EIF4G3: variants seen among roughly 807,000 people sequenced by gnomAD.
EIF4G3 encodes the protein eukaryotic translation initiation factor 4 gamma 3.
A neutral mutation model predicts 186.4 loss-of-function variants in EIF4G3; 34 were observed. The observed-to-expected ratio is 0.18, with a 90% CI of 0.14 to 0.24. The LOEUF (loss-of-function observed/expected upper bound fraction) is 0.24, where lower values mean the gene tolerates loss of function less well. Among genes scored for constraint, EIF4G3 ranks in the 10% least tolerant of loss-of-function variants. The probability of loss-of-function intolerance (pLI) is 1.00; values close to 1 mark genes in which losing one functional copy is unlikely to be tolerated. For synonymous variants in EIF4G3, 673 were observed against 679.5 expected (o/e 0.99, Z 0.15); for missense variants, 1,536 against 1,948.5 (o/e 0.79, Z 3.99).
intron 14 of EIF4G3, among the ~76,000 whole-genome samples, chr1:20,916,538 G>A (rs1327986060): frequency 6.6e-6 from 1 of 151,956 alleles, no homozygotes; most frequent in Non-Finnish European, 1.5e-5. Context: ...TGTCAATTCT[G>A]TCTACAGTGT....
intron 2 of EIF4G3, among the ~76,000 whole-genome samples, chr1:21,156,401 T>G (rs2097662638): frequency 1.3e-5 from 2 of 152,200 alleles, no homozygotes; most frequent in Admixed American, 6.5e-5. Context: ...GCTTATATTA[T>G]CACAGATTTG....
chr1:20,814,482 CAATA>C (rs540968401), intron 34 of EIF4G3, among the ~76,000 whole-genome samples: 46 of 152,136 alleles, frequency 3.0e-4, no homozygotes, highest in Admixed American at 4.6e-4. Context: ...TTTTATTCCT[CAATA>C]AATAATCCAT....
intron 2 of EIF4G3, among the ~76,000 whole-genome samples, chr1:21,105,288 T>C (rs930836776): frequency 6.6e-6 from 1 of 152,002 alleles, no homozygotes. Flanking sequence ...AAATTAGCCA[T>C]AGGTGGTGGC....
At chr1:21,174,091 C>G (rs1435092188) in intron 2 of EIF4G3, among the ~76,000 whole-genome samples, 1 of 152,120 alleles carries the variant, frequency 6.6e-6, no homozygotes, top group Non-Finnish European at 1.5e-5. Context: ...CTGTGAAACA[C>G]ATCAAGAGGA....
At chr1:21,039,147 C>T (rs1175801469) in intron 4 of EIF4G3, among the ~76,000 whole-genome samples, 3 of 152,300 alleles carry the variant, frequency 2.0e-5, no homozygotes, top group South Asian at 2.1e-4. Context: ...CCTTCACATA[C>T]GTGGTCAAAT....
intron 4 of EIF4G3, among the ~76,000 whole-genome samples, chr1:21,012,877 A>G (rs1384987708): frequency 6.6e-6 from 1 of 152,164 alleles, no homozygotes; most frequent in Non-Finnish European, 1.5e-5. Flanking sequence ...ATTCCACAAG[A>G]CAGGTGAGAA....
In EIF4G3 at chr1:20,971,780, C is replaced by T. The variant is rs976622640; in HGVS notation, c.591+1222G>A. The stretch of plus-strand genomic sequence containing the variant: ...TCCCGAGTAGCTGGAATTATAGGCA[C>T]GAGCCTCCACACCCAGCTAATTTTT... On this transcript the variant is annotated intron_variant, in intron 11 of 36. Transcript: ENST00000602326. Among the ~76,000 whole-genome samples, 22 of 152,214 alleles carry T rather than the reference C, an allele frequency of 1.4e-4. No homozygotes were observed. In the East Asian group the frequency reaches 3.1e-3, roughly 21 times the overall value.
At chr1:21,026,814 G>C (rs2092165406) in intron 4 of EIF4G3, among the ~76,000 whole-genome samples, 1 of 151,676 alleles carries the variant, frequency 6.6e-6, no homozygotes, top group African/African-American at 2.4e-5. Context: ...GCCAGGAATG[G>C]CAATCCCAGA....
chr1:21,077,580 A>G (rs1322463874), intron 3 of EIF4G3, among the ~76,000 whole-genome samples: 1 of 150,088 alleles, frequency 6.7e-6, no homozygotes, highest in Non-Finnish European at 1.5e-5. Flanking sequence ...ATTATTAAAA[A>G]TACAAAAAAA....
intron 4 of EIF4G3, among the ~76,000 whole-genome samples, chr1:21,040,244 A>G (rs1571508838): frequency 1.3e-5 from 2 of 152,204 alleles, no homozygotes; most frequent in Admixed American, 1.3e-4. Context: ...AATCATGCAC[A>G]TAATGAAGTC....
Position 20,886,227 on chromosome 1 carries a change from C to T in EIF4G3, c.2398G>A (p.Asp800Asn), listed in dbSNP as rs2084092530. The change falls in exon 19 of 37, where the codon GAT becomes AAT. Residue 800 changes from aspartate to asparagine, a missense_variant. This residue lies in a region of EIF4G3 where 139 missense variants were observed against 192.8 expected (regional missense o/e 0.72). Coordinates refer to ENST00000602326, the MANE Select transcript of EIF4G3 (RefSeq NM_001391906.1). The part of the protein sequence containing the change: ...KPSQKRDSQA[D>N]DPENIKTQEL... ...TGGGTTTTAATGTTTTCGGGATCAT[C>T]GGCTTGGCTGTCTCGTTTTTGGCTT... The T allele has an allele frequency of 1.2e-6, 2 of 1,613,598 alleles. No homozygotes were observed. The highest frequency in any genetic ancestry group is 2.2e-5 in the East Asian group (1 of 44,860).
At chr1:20,982,502 G>A in intron 7 of EIF4G3, 94 bp from the exon 8 acceptor site, 1 of 822,206 alleles carries the variant, frequency 1.2e-6, no homozygotes, top group Non-Finnish European at 1.8e-6. Flanking sequence ...ATAGCATGCA[G>A]CTCAACAAAA....
chr1:20,927,543 C>T (rs1040503458), intron 14 of EIF4G3, among the ~76,000 whole-genome samples: 1 of 152,032 alleles, frequency 6.6e-6, no homozygotes, highest in Non-Finnish European at 1.5e-5. Flanking sequence ...AAGATAATGA[C>T]AGTCTGTGAA....
At position 21,176,882 on chromosome 1, in the gene EIF4G3, G is replaced by C. The variant is rs1260320258; in HGVS notation, c.-616C>G. 1 of 694,308 alleles carries C rather than the reference G, an allele frequency of 1.4e-6. No homozygotes were observed. The highest frequency in any genetic ancestry group is 1.8e-5 in the African/African-American group (1 of 56,438). 43.0% of individuals were successfully genotyped at this position (694,308 alleles called of 1,614,324 possible). On this transcript the variant is annotated 5_prime_UTR_variant, in exon 1 of 37. Transcript: ENST00000602326. ...CATGGCGCTGTGGCCGCCTCCAGCA[G>C]TCCGGCAGGACGGCTGCTCGGAAAA... is the stretch of plus-strand genomic sequence containing the variant.
chr1:20,839,736 G>T (rs1571406346), intron 30 of EIF4G3, among the ~76,000 whole-genome samples: 1 of 151,708 alleles, frequency 6.6e-6, no homozygotes, highest in Non-Finnish European at 1.5e-5. Context: ...TGATCCACCC[G>T]CCTCAGCCTC....
At chr1:20,988,227 T>A in intron 7 of EIF4G3, 1 of 169,552 alleles carries the variant, frequency 5.9e-6, no homozygotes. Flanking sequence ...CAAGTACTTA[T>A]GGAGAAACTG....
At chr1:20,917,093 T>C (rs200346665) in intron 14 of EIF4G3, among the ~76,000 whole-genome samples, 1 of 57,876 alleles carries the variant, frequency 1.7e-5, no homozygotes, top group African/African-American at 5.9e-5. Context: ...ACAGCCAAAA[T>C]GTCTATCAAT....
intron 29 of EIF4G3, among the ~76,000 whole-genome samples, chr1:20,841,566 A>C (rs185241014): frequency 3.3e-5 from 5 of 152,316 alleles, no homozygotes; most frequent in Non-Finnish European, 7.3e-5. Context: ...TCAATGAAAA[A>C]GGTCTTCCTT....
chr1:20,934,273 AAAG>A (rs2095439882), intron 14 of EIF4G3, among the ~76,000 whole-genome samples: 1 of 152,200 alleles, frequency 6.6e-6, no homozygotes, highest in African/African-American at 2.4e-5. Flanking sequence ...TGAATAGTGA[AAAG>A]AATAGTAGAA....
Sources: gnomAD v4.1 joint callset for allele counts (sites outside exome capture counted in the v4.1 genomes callset) on GRCh38, gnomAD v4.1.1 for gene constraint, gnomAD v4.1.1 regional missense constraint, MANE v1.5 for transcripts, NCBI Gene and HGNC (gene_info 2026-07-23, HGNC 2026-07-21) for gene names.